The following SLC35A1 variants were observed in gnomAD, a reference collection of about 807,000 sequenced individuals.
The protein encoded by SLC35A1 is solute carrier family 35 member A1.
SLC35A1 carries 21 observed loss-of-function variants against 40.3 expected under a neutral mutation model. The observed-to-expected ratio is 0.52, with a 90% CI of 0.37 to 0.75. The LOEUF is 0.75. Among genes scored for constraint, SLC35A1 ranks in the 30% least tolerant of loss-of-function variants. The pLI, the probability that SLC35A1 is intolerant of heterozygous loss-of-function variation, is 0.00. For missense variants in SLC35A1, 297 were observed against 382.1 expected, an observed-to-expected ratio of 0.78 and a Z score of 1.86; for synonymous variants, 146 against 147.3, an observed-to-expected ratio of 0.99 and a Z score of 0.06.
chr6:87,473,217 C>T (rs1768968834), intron 1 of SLC35A1, among the ~76,000 whole-genome samples, 198 bp downstream of exon 1: 1 of 152,198 alleles, frequency 6.6e-6, no homozygotes, highest in African/African-American at 2.4e-5. Flanking sequence ...CTGCAGTCTC[C>T]GCGGCTGACT....
chr6:87,486,560 C>G (rs1769397105), intron 2 of SLC35A1, among the ~76,000 whole-genome samples: 1 of 151,832 alleles, frequency 6.6e-6, no homozygotes, highest in African/African-American at 2.4e-5. Context: ...TGTTGGAGAA[C>G]CAAATATTAT....
intron 2 of SLC35A1, chr6:87,487,943 A>G (rs966600637): frequency 2.0e-5 from 3 of 152,190 alleles, no homozygotes; most frequent in African/African-American, 7.2e-5. Flanking sequence ...ACAGTCCATG[A>G]ATAATAATAA....
chr6:87,505,681 CAG>C (rs1770057926), intron 4 of SLC35A1, among the ~76,000 whole-genome samples: 1 of 152,176 alleles, frequency 6.6e-6, no homozygotes, highest in South Asian at 2.1e-4. Context: ...TCCCATGTGA[CAG>C]AGGGAAGTGG....
intron 2 of SLC35A1, among the ~76,000 whole-genome samples, chr6:87,489,910 T>A (rs1406289557): frequency 6.6e-6 from 1 of 151,708 alleles, no homozygotes; most frequent in Admixed American, 6.6e-5. Flanking sequence ...GTATTTAACA[T>A]ATTTAAAAGA....
chr6:87,478,949 G>T (rs763342767), intron 2 of SLC35A1, among the ~76,000 whole-genome samples: 3 of 152,144 alleles, frequency 2.0e-5, no homozygotes, highest in Admixed American at 6.5e-5. Flanking sequence ...CTATTGGCTA[G>T]GGTTAGACTG....
At chr6:87,476,911 C>G (rs546954126) in intron 1 of SLC35A1, among the ~76,000 whole-genome samples, 5 of 151,864 alleles carry the variant, frequency 3.3e-5, no homozygotes, top group African/African-American at 1.2e-4. Context: ...CCTGTAGTCC[C>G]GGGAGGCTGA....
At chr6:87,478,941 ATTGGC>A (rs2127963548) in intron 2 of SLC35A1, among the ~76,000 whole-genome samples, 1 of 152,166 alleles carries the variant, frequency 6.6e-6, no homozygotes, top group Admixed American at 6.5e-5. Flanking sequence ...TCGTTCCCCT[ATTGGC>A]TAGGGTTAGA....
At position 87,511,651 on chromosome 6, in the gene SLC35A1, T is replaced by C. The variant is rs1770280209; in HGVS notation, c.*125T>C. 1 of 1,060,928 alleles carries C rather than the reference T, an allele frequency of 9.4e-7. No homozygotes were observed. Among genetic ancestry groups the C allele is most frequent in the Non-Finnish European group, 1.5e-6 (1 of 683,038 alleles). The allele number at this position is 1,060,928 out of a possible 1,614,324, so 65.7% of individuals were successfully genotyped here. Reference sequence around the variant, plus strand: ...CTGTATGGCATGATCAGTGCGGTTATGTGGAAACAACAACAAACAAACGAA... The same window carrying C: ...CTGTATGGCATGATCAGTGCGGTTACGTGGAAACAACAACAAACAAACGAA... On this transcript the variant is annotated 3_prime_UTR_variant, in exon 8 of 8. Transcript: ENST00000369552.
At chr6:87,504,213 C>T (rs1418830249) in intron 4 of SLC35A1, among the ~76,000 whole-genome samples, 1 of 150,980 alleles carries the variant, frequency 6.6e-6, no homozygotes, top group African/African-American at 2.4e-5. Flanking sequence ...ATCACTTGAG[C>T]CGAGGAGGTT....
intron 2 of SLC35A1, among the ~76,000 whole-genome samples, chr6:87,500,167 T>G (rs1342960873): frequency 2.6e-5 from 4 of 152,122 alleles, no homozygotes; most frequent in African/African-American, 9.7e-5. Context: ...CAGGGTGAAC[T>G]TGATGAAATA....
rs201797109 is a variant in SLC35A1, at chr6:87,501,318, A to G, written c.507+8A>G. On this transcript the variant is annotated splice_region_variant and intron_variant, in intron 4 of 7. Transcript: ENST00000369552. ...CAAGCTACAAAAGTGGTGGTAAGAA[A>G]CAAAATGCACACCATAACTTCCCAT... 5.5e-5 allele frequency: 89 copies of G among 1,612,522 alleles called. No individual in the cohort carries two copies. In the African/African-American group the frequency reaches 1.0e-3, roughly 18 times the overall value.
chr6:87,483,054 A>G (rs1249593777), intron 2 of SLC35A1, among the ~76,000 whole-genome samples: 1 of 152,134 alleles, frequency 6.6e-6, no homozygotes, highest in Non-Finnish European at 1.5e-5. Context: ...ACAAGGTGGT[A>G]TTGGAGTGTT....
intron 2 of SLC35A1, among the ~76,000 whole-genome samples, chr6:87,494,322 A>C (rs904514019): frequency 1.3e-5 from 2 of 152,218 alleles, no homozygotes; most frequent in African/African-American, 2.4e-5. Context: ...TTAAATTAAA[A>C]GAGAAATTAG....
chr6:87,473,036 C>T lies in SLC35A1; in HGVS notation c.16+17C>T. The T allele has an allele frequency of 1.7e-6, 1 of 604,826 alleles. No individual in the cohort carries two copies. Among genetic ancestry groups the T allele is most frequent in the Non-Finnish European group, 2.6e-6 (1 of 386,336 alleles). The allele number at this position is 604,826 out of a possible 1,614,324, so 37.5% of individuals were successfully genotyped here. On this transcript the variant is annotated intron_variant, in intron 1 of 7. Coordinates refer to ENST00000369552, the MANE Select transcript of SLC35A1 (RefSeq NM_006416.5). ...CCCCGAGAGGTGAGAACTGGGTCTGCTGGGAGTGGGGAGTCCGCGGGGGGC... is the reference window on the plus strand; with the variant it reads ...CCCCGAGAGGTGAGAACTGGGTCTGTTGGGAGTGGGGAGTCCGCGGGGGGC...
At chr6:87,483,688 G>C (rs977924922) in intron 2 of SLC35A1, among the ~76,000 whole-genome samples, 3 of 151,944 alleles carry the variant, frequency 2.0e-5, no homozygotes, top group African/African-American at 7.3e-5. Flanking sequence ...GGGATGTCTT[G>C]CCTTGCCTGC....
At chr6:87,503,485 C>T (rs558154274) in intron 4 of SLC35A1, among the ~76,000 whole-genome samples, 4 of 152,168 alleles carry the variant, frequency 2.6e-5, no homozygotes, top group South Asian at 2.1e-4. Context: ...TGTGGCTGGT[C>T]GCAGATCACC....
chr6:87,503,937 A>C (rs1184187776), intron 4 of SLC35A1, among the ~76,000 whole-genome samples: 2 of 152,206 alleles, frequency 1.3e-5, no homozygotes, highest in Non-Finnish European at 2.9e-5. Context: ...AATCAATGTA[A>C]CAATAACAGC....
chr6:87,487,893 G>A (rs1340233218), intron 2 of SLC35A1, among the ~76,000 whole-genome samples: 1 of 152,090 alleles, frequency 6.6e-6, no homozygotes, highest in Non-Finnish European at 1.5e-5. Flanking sequence ...ATTGATTTGG[G>A]GGTTACAGAT....
intron 2 of SLC35A1, among the ~76,000 whole-genome samples, chr6:87,485,318 T>G (rs560446654): frequency 6.6e-6 from 1 of 152,240 alleles, no homozygotes; most frequent in Non-Finnish European, 1.5e-5. Flanking sequence ...GAAATTAGAC[T>G]TTTTTCTTTG....
Sources: allele counts gnomAD v4.1 joint callset (sites outside exome capture counted in the v4.1 genomes callset), GRCh38; gene constraint gnomAD v4.1.1; transcripts MANE v1.5; gene names NCBI Gene and HGNC (gene_info 2026-07-23, HGNC 2026-07-21).